The following NFIB variants were observed in gnomAD, a reference collection of about 807,000 sequenced individuals.
NFIB encodes the protein nuclear factor I B.
Under a neutral mutation model 61.5 loss-of-function variants are expected in NFIB, and 11 were observed. The observed-to-expected ratio is 0.18, with a 90% CI of 0.11 to 0.30. The LOEUF is 0.30. Ranked by LOEUF, NFIB falls within the 10% of genes least tolerant of loss-of-function variation. The probability of loss-of-function intolerance (pLI) is 1.00; values close to 1 mark genes in which losing one functional copy is unlikely to be tolerated. For synonymous variants in NFIB, 260 were observed against 216.5 expected (o/e 1.20, Z -1.76); for missense variants, 471 against 608.9 (o/e 0.77, Z 2.38).
chr9:14,476,159 A>G, the NFIB span, among the ~76,000 whole-genome samples: 2 of 152,122 alleles, frequency 1.3e-5, no homozygotes, highest in Non-Finnish European at 2.9e-5. Flanking sequence ...AAATATTAGA[A>G]GTTCAAAAGG....
intron 1 of NFIB, among the ~76,000 whole-genome samples, chr9:14,361,119 T>C (rs975715720): frequency 1.3e-5 from 2 of 152,186 alleles, no homozygotes; most frequent in South Asian, 2.1e-4. Context: ...CACTTTCAAA[T>C]ACCTTTGTTT....
intron 2 of NFIB, among the ~76,000 whole-genome samples, chr9:14,245,184 A>G (rs1199063785): frequency 6.6e-6 from 1 of 152,038 alleles, no homozygotes; most frequent in Non-Finnish European, 1.5e-5. Context: ...TCACCTCCAA[A>G]CTCAGTGGTT....
chr9:14,229,635 C>A (rs535374307), intron 2 of NFIB, among the ~76,000 whole-genome samples: 2 of 152,310 alleles, frequency 1.3e-5, no homozygotes, highest in East Asian at 3.9e-4. Context: ...GAGTTCTCAG[C>A]TTTACATAAA....
intron 4 of NFIB, 97 bp downstream of exon 4, chr9:14,155,728 A>AC (rs2043317548): frequency 3.4e-6 from 2 of 592,478 alleles, no homozygotes; most frequent in South Asian, 6.3e-5. Flanking sequence ...AAATTTTCCT[A>AC]ATATGTGGTC....
intron 9 of NFIB, among the ~76,000 whole-genome samples, chr9:14,114,144 A>G (rs147926916): frequency 6.6e-6 from 1 of 152,212 alleles, no homozygotes; most frequent in African/African-American, 2.4e-5. Flanking sequence ...TTGTTCACTT[A>G]AAGGACTGCA....
intron 1 of NFIB, among the ~76,000 whole-genome samples, chr9:14,360,992 T>C (rs1219213216): frequency 6.6e-6 from 1 of 152,140 alleles, no homozygotes; most frequent in African/African-American, 2.4e-5. Context: ...ATTTCATTAA[T>C]TATTTTTAAA....
At chr9:14,113,160 A>G (rs1263861181) in intron 9 of NFIB, 79 bp from the exon 10 acceptor site, 4 of 1,307,452 alleles carry the variant, frequency 3.1e-6, no homozygotes, top group African/African-American at 3.1e-5. Context: ...TAAGAAACCC[A>G]GAGAAGTGGG....
chr9:14,313,597 CTGAGCCCCGCGA>C lies in NFIB; in HGVS notation c.-98_-87del. On this transcript the variant is annotated 5_prime_UTR_variant, in exon 1 of 11. Transcript: ENST00000380953. The surrounding 1 kb of genome is among the most constrained non-coding windows in gnomAD (Gnocchi z 4.5). ...TTTCATCTATTCATTTTACAGTCATCTGAGCCCCGCGATGCGATCAATCAGGACGGGGCTCTG... is the reference window on the plus strand; with the variant it reads ...TTTCATCTATTCATTTTACAGTCATCTGCGATCAATCAGGACGGGGCTCTG... The C allele has an allele frequency of 6.2e-7, 1 of 1,607,528 alleles. No individual in the cohort carries two copies.
chr9:14,349,845 C>G (rs748060854), intron 1 of NFIB, among the ~76,000 whole-genome samples: 1 of 152,192 alleles, frequency 6.6e-6, no homozygotes, highest in Non-Finnish European at 1.5e-5. Context: ...ACGCTTCCCG[C>G]GCGGCAGTCC....
the NFIB span, among the ~76,000 whole-genome samples, chr9:14,480,479 GAGA>G: frequency 6.6e-6 from 1 of 150,738 alleles, no homozygotes; most frequent in Non-Finnish European, 1.5e-5. Context: ...GCCCCTGACT[GAGA>G]AGGACAGTCC....
the NFIB span, among the ~76,000 whole-genome samples, chr9:14,508,449 G>C: frequency 6.6e-6 from 1 of 152,182 alleles, no homozygotes; most frequent in South Asian, 2.1e-4. Flanking sequence ...TGATCTAGGG[G>C]TGAGGAGTTA....
chr9:14,341,194 C>T (rs1212275857), intron 1 of NFIB, among the ~76,000 whole-genome samples: 1 of 152,132 alleles, frequency 6.6e-6, no homozygotes, highest in Non-Finnish European at 1.5e-5. Flanking sequence ...TTGAGGGAAA[C>T]ATCCCTAAAT....
upstream of NFIB, among the ~76,000 whole-genome samples, chr9:14,318,400 T>G (rs2060587642): frequency 1.3e-5 from 2 of 152,080 alleles, no homozygotes; most frequent in Admixed American, 6.6e-5. Flanking sequence ...TCTTTTAACC[T>G]TTTCCTTCCT....
At chr9:14,322,982 C>T (rs1346981629) in intron 1 of NFIB, among the ~76,000 whole-genome samples, 1 of 152,198 alleles carries the variant, frequency 6.6e-6, no homozygotes, top group Non-Finnish European at 1.5e-5. Context: ...GCCGAAAACG[C>T]CGCGGAAAGA....
At chr9:14,097,875 CTTTTTTTTT>C (rs71321962) in intron 10 of NFIB, among the ~76,000 whole-genome samples, 9 of 110,838 alleles carry the variant, frequency 8.1e-5, no homozygotes, top group African/African-American at 3.1e-4. Context: ...TTTCTTTTTT[CTTTTTTTTT>C]TTTTTTTTTG....
chr9:14,463,156 TTTA>T, the NFIB span, among the ~76,000 whole-genome samples: 1 of 149,130 alleles, frequency 6.7e-6, no homozygotes, highest in Non-Finnish European at 1.5e-5. Flanking sequence ...TTTTGATTGT[TTTA>T]TTAATTAATT....
At chr9:14,250,538 C>A (rs1158377480) in intron 2 of NFIB, among the ~76,000 whole-genome samples, 1 of 152,208 alleles carries the variant, frequency 6.6e-6, no homozygotes, top group Admixed American at 6.5e-5. Context: ...GGCCTCACTA[C>A]TACCTCAATT....
At chr9:14,389,012 C>T (rs717932) in intron 1 of NFIB, among the ~76,000 whole-genome samples, 81,364 of 151,894 alleles carry the variant, frequency 0.54, 22,225 homozygotes, top group African/African-American at 0.58. Flanking sequence ...CTGGACATTG[C>T]ATTGTTTAAA....
At chr9:14,152,565 C>T (rs888240343) in intron 4 of NFIB, among the ~76,000 whole-genome samples, 1 of 151,940 alleles carries the variant, frequency 6.6e-6, no homozygotes, top group African/African-American at 2.4e-5. Flanking sequence ...AGAGGTTCCA[C>T]CTTACATAAA....
Sources: gnomAD v4.1 joint callset for allele counts (sites outside exome capture counted in the v4.1 genomes callset) on GRCh38, gnomAD v4.1.1 for gene constraint, Gnocchi (gnomAD v3.1) non-coding constraint, MANE v1.5 for transcripts, NCBI Gene and HGNC (gene_info 2026-07-23, HGNC 2026-07-21) for gene names.